KCNK15: variants seen among roughly 807,000 people sequenced by gnomAD.
KCNK15 encodes potassium channel subfamily K member 15.
KCNK15 carries 9 observed loss-of-function variants against 8.5 expected under a neutral mutation model. That is an observed-to-expected ratio of 1.06 (90% CI 0.64 to 1.85). The LOEUF (loss-of-function observed/expected upper bound fraction) is 1.85, where lower values mean the gene tolerates loss of function less well. Ranked by LOEUF, KCNK15 falls within the 40% of genes most tolerant of loss-of-function variation. The probability of loss-of-function intolerance (pLI) is 0.00; values close to 1 mark genes in which losing one functional copy is unlikely to be tolerated. For missense variants in KCNK15, 467 were observed against 476.8 expected, an observed-to-expected ratio of 0.98 and a Z score of 0.19; for synonymous variants, 224 against 232.7, an observed-to-expected ratio of 0.96 and a Z score of 0.34.
At position 44,750,312 on chromosome 20, in the gene KCNK15, C is replaced by A; in HGVS notation, c.467C>A (p.Thr156Lys). The A allele has an allele frequency of 6.2e-7, 1 of 1,608,502 alleles. No individual in the cohort carries two copies. The highest frequency in any genetic ancestry group is 8.5e-7 in the Non-Finnish European group (1 of 1,178,186). The change falls in exon 2 of 2, where the codon ACG becomes AAG. Residue 156 changes from threonine to lysine, a missense_variant. Around this residue, in one of 2 missense-constraint regions of KCNK15, gnomAD observed 455 missense variants for 441.2 expected, o/e 1.03. Coordinates refer to ENST00000372861, the MANE Select transcript of KCNK15 (RefSeq NM_022358.4). ...CLGLRWTCVSTENLVVAGLLA... is the reference protein window; with the variant it reads ...CLGLRWTCVSKENLVVAGLLA... ...GGCCTGCGGTGGACGTGCGTGTCCACGGAGAACCTGGTGGTGGCCGGGCTG... is the reference window on the plus strand; with the variant it reads ...GGCCTGCGGTGGACGTGCGTGTCCAAGGAGAACCTGGTGGTGGCCGGGCTG...
Position 44,750,313 on chromosome 20 carries a change from G to A in KCNK15, c.468G>A (p.Thr156=), listed in dbSNP as rs1379059322. The change falls in exon 2 of 2, where the codon ACG becomes ACA. Residue 156 remains threonine (T), a synonymous_variant. Transcript: ENST00000372861. ...GCCTGCGGTGGACGTGCGTGTCCAC[G>A]GAGAACCTGGTGGTGGCCGGGCTGC... ...CLGLRWTCVS[T]ENLVVAGLLA... is the part of the protein sequence containing the mutation. The A allele has an allele frequency of 1.2e-6, 2 of 1,608,514 alleles. No individual in the cohort carries two copies. The highest frequency in any genetic ancestry group is 2.2e-5 in the East Asian group (1 of 44,646).
At chr20:44,746,478 G>T (rs1451035347) in intron 1 of KCNK15, among the ~76,000 whole-genome samples, 2 of 152,106 alleles carry the variant, frequency 1.3e-5, no homozygotes, top group South Asian at 2.1e-4. Flanking sequence ...CGTCCAAGGG[G>T]CTTGGAGATA....
chr20:44,746,117 T>A lies in KCNK15; in HGVS notation c.207T>A (p.Ala69=), dbSNP rs780528194. Residue 69 remains alanine (A), a synonymous_variant, in exon 1 of 2, where the codon GCT becomes GCA. Coordinates refer to ENST00000372861, the MANE Select transcript of KCNK15 (RefSeq NM_022358.4). The stretch of plus-strand genomic sequence containing the variant: ...AGCTGGAGCGCCTGGCGCTCCAGGC[T>A]GAGCCCCACCGCGCCGGCCGCCAGT... ...YRELERLALQ[A]EPHRAGRQWK... 29 of 1,462,670 alleles carry A rather than the reference T, an allele frequency of 2.0e-5. No individual in the cohort carries two copies. The highest frequency in any genetic ancestry group is 2.4e-5 in the Non-Finnish European group (27 of 1,102,502). 90.6% of individuals were successfully genotyped at this position (1,462,670 alleles called of 1,614,324 possible).
chr20:44,750,520 C>T lies in KCNK15; in HGVS notation c.675C>T (p.Phe225=). The T allele has an allele frequency of 2.5e-6, 4 of 1,613,776 alleles. No individual in the cohort carries two copies. Among genetic ancestry groups the T allele is most frequent in the Non-Finnish European group, 3.4e-6 (4 of 1,179,860 alleles). The part of the protein sequence containing the change: ...QRKLPYVAFS[F]LYILLGLTVI... ...AGCTCCCCTACGTGGCCTTCAGCTT[C>T]CTCTACATCCTCCTGGGGCTCACGG... Residue 225 remains phenylalanine, a synonymous_variant, in exon 2 of 2, where the codon TTC becomes TTT. Transcript: ENST00000372861.
At chr20:44,746,733 G>T (rs2066009523) in intron 1 of KCNK15, 1 of 152,592 alleles carries the variant, frequency 6.6e-6, no homozygotes, top group East Asian at 1.9e-4. Context: ...ACAAAGAAAA[G>T]ATCATTTTTT....
At position 44,749,344 on chromosome 20, in the gene KCNK15, T is replaced by C. The variant is rs1337186040; in HGVS notation, c.284-785T>C. On this transcript the variant is annotated intron_variant, in intron 1 of 1. Coordinates refer to ENST00000372861, the MANE Select transcript of KCNK15 (RefSeq NM_022358.4). ...TGGCGCGGTGTTCCAGGACTCAAGA[T>C]TGCCCAGTCGTGTTTAGATTCCCTA... 2.0e-5 allele frequency among the ~76,000 whole-genome samples: 3 copies of C among 152,212 alleles called. No homozygotes were observed. The East Asian group carries it at 5.8e-4, about 29-fold the overall frequency.
Position 44,750,484 on chromosome 20 carries a change from G to A in KCNK15, c.639G>A (p.Ala213=). ...GDFVALQSGE[A]LQRKLPYVAF... The stretch of plus-strand genomic sequence containing the variant: ...TCGTGGCACTGCAGAGCGGCGAGGC[G>A]CTGCAGAGGAAGCTCCCCTACGTGG... Residue 213 remains alanine, a synonymous_variant, in exon 2 of 2, where the codon GCG becomes GCA. Transcript: ENST00000372861. 3.1e-6 allele frequency: 5 copies of A among 1,613,946 alleles called. No individual in the cohort carries two copies. Among genetic ancestry groups the A allele is most frequent in the Non-Finnish European group, 4.2e-6 (5 of 1,179,886 alleles).
rs1024795967 is a variant in KCNK15 at position 44,752,014 on chromosome 20, C to T, written c.*1176C>T. On this transcript the variant is annotated 3_prime_UTR_variant, in exon 2 of 2. Transcript: ENST00000372861. ...GACCCAGGCTCCTGCCTTCCCACCA[C>T]CCGTCCAGGAAGCAGTCATAAAGTG... 1.3e-5 allele frequency: 2 copies of T among 152,302 alleles called. No individual in the cohort carries two copies. The highest frequency in any genetic ancestry group is 2.1e-4 in the South Asian group (1 of 4,832). 9.4% of individuals were successfully genotyped at this position (152,302 alleles called of 1,614,324 possible).
rs759479105 is a variant in KCNK15 at position 44,746,084 on chromosome 20, C to G, written c.174C>G (p.Asp58Glu). ...GGAAGTTCGGCTTCTCGGCCGAGGA[C>G]TACCGCGAGCTGGAGCGCCTGGCGC... ...LRRKFGFSAE[D>E]YRELERLALQ... Residue 58 changes from aspartate (D) to glutamate (E), a missense_variant, in exon 1 of 2, where the codon GAC (aspartate) becomes GAG (glutamate). Asp to Glu is a conservative substitution (Grantham distance 45). This residue lies in a region of KCNK15 where 455 missense variants were observed against 441.2 expected (regional missense o/e 1.03). Transcript: ENST00000372861. 5 of 1,542,046 alleles carry G rather than the reference C, an allele frequency of 3.2e-6. No individual in the cohort carries two copies. Among genetic ancestry groups the G allele is most frequent in the Non-Finnish European group, 4.4e-6 (5 of 1,141,986 alleles).
In KCNK15 at chr20:44,750,588, T is replaced by C. The variant is rs544753921; in HGVS notation, c.743T>C (p.Val248Ala). The change falls in exon 2 of 2, where the codon GTT becomes GCT. Residue 248 changes from valine (V) to alanine (A), a missense_variant. By Grantham distance (64) the Val-to-Ala change is moderately conservative. Transcript: ENST00000372861. ...FLNLVVLRFLVASADWPERAA... is the reference protein window; with the variant it reads ...FLNLVVLRFLAASADWPERAA... ...AACCTGGTGGTCCTGCGCTTCCTCG[T>C]TGCCAGCGCCGACTGGCCCGAGCGC... The C allele has an allele frequency of 2.5e-6, 4 of 1,585,180 alleles. No homozygotes were observed. In the African/African-American group the frequency reaches 5.4e-5, roughly 21 times the overall value.
At chr20:44,750,043 A>G in intron 1 of KCNK15, 86 bp from the exon 2 acceptor site, 1 of 1,266,466 alleles carries the variant, frequency 7.9e-7, no homozygotes, top group South Asian at 1.5e-5. Context: ...ACGGGGAGGG[A>G]CACGCCGGGC....
chr20:44,748,140 C>A (rs1362792292), intron 1 of KCNK15, among the ~76,000 whole-genome samples: 4 of 152,206 alleles, frequency 2.6e-5, no homozygotes, highest in Non-Finnish European at 4.4e-5. Flanking sequence ...AAACCTGGCA[C>A]AGTCCCAAAC....
rs1026168978 is a variant in KCNK15 at position 44,750,051 on chromosome 20, G to A, written c.284-78G>A. 3.7e-6 allele frequency: 5 copies of A among 1,359,124 alleles called. No homozygotes were observed. In the African/African-American group the frequency reaches 7.2e-5, roughly 20 times the overall value. 84.2% of individuals were successfully genotyped at this position (1,359,124 alleles called of 1,614,324 possible). On this transcript the variant is annotated intron_variant, in intron 1 of 1. Coordinates refer to ENST00000372861, the MANE Select transcript of KCNK15 (RefSeq NM_022358.4). ...CCCGGGGACGGGGAGGGACACGCCG[G>A]GCAGGCAGGCTGCGGGCGGGACTGT...
rs752249322 is a variant in KCNK15, at chr20:44,750,416, T to C, written c.571T>C (p.Tyr191His). The change falls in exon 2 of 2, where the codon TAC (tyrosine) becomes CAC (histidine). Residue 191 changes from tyrosine (Y) to histidine (H), a missense_variant. Coordinates refer to ENST00000372861, the MANE Select transcript of KCNK15 (RefSeq NM_022358.4). Reference protein sequence around the residue: ...FEGWTFFHAYYYCFITLTTIG... With the variant: ...FEGWTFFHAYHYCFITLTTIG... ...GGGCTGGACCTTCTTCCACGCCTAC[T>C]ACTACTGCTTCATCACCCTCACCAC... 3 of 1,613,896 alleles carry C rather than the reference T, an allele frequency of 1.9e-6. No homozygotes were observed. Among genetic ancestry groups the C allele is most frequent in the Admixed American group, 3.3e-5 (2 of 60,006 alleles).
chr20:44,747,642 G>A (rs1304830416), intron 1 of KCNK15, among the ~76,000 whole-genome samples: 2 of 152,248 alleles, frequency 1.3e-5, no homozygotes, highest in African/African-American at 4.8e-5. Context: ...GGAGGCTGAT[G>A]TAAGAGACTC....
In KCNK15 at chr20:44,751,733, C is replaced by T. The variant is rs760388008; in HGVS notation, c.*895C>T. 6.6e-6 allele frequency: 1 copy of T among 152,240 alleles called. No individual in the cohort carries two copies. Among genetic ancestry groups the T allele is most frequent in the Non-Finnish European group, 1.5e-5 (1 of 68,052 alleles). 9.4% of individuals were successfully genotyped at this position (152,240 alleles called of 1,614,324 possible). On this transcript the variant is annotated 3_prime_UTR_variant, in exon 2 of 2. Transcript: ENST00000372861. ...CAAAGCCCGAGGTGTGGCATCCTGGCACCCCGTGGCACTCAGCCACTTCCC... is the reference window on the plus strand; with the variant it reads ...CAAAGCCCGAGGTGTGGCATCCTGGTACCCCGTGGCACTCAGCCACTTCCC...
In KCNK15 at chr20:44,746,038, A is replaced by C; in HGVS notation, c.128A>C (p.Gln43Pro). The C allele has an allele frequency of 6.5e-7, 1 of 1,546,314 alleles. No homozygotes were observed. Among genetic ancestry groups the C allele is most frequent in the Non-Finnish European group, 8.7e-7 (1 of 1,146,144 alleles). The stretch of plus-strand genomic sequence containing the variant: ...AGCGGCCGCCAGCGACTGCTGGTCC[A>C]GAAGCGGGGCGCTCTCCGGAGGAAG... Reference protein sequence around the residue: ...AESGRQRLLVQKRGALRRKFG... With the variant: ...AESGRQRLLVPKRGALRRKFG... Residue 43 changes from glutamine (Q) to proline (P), a missense_variant, in exon 1 of 2, where the codon CAG becomes CCG. Transcript: ENST00000372861.
At chr20:44,746,879 T>C (rs2066010065) in intron 1 of KCNK15, 1 of 152,252 alleles carries the variant, frequency 6.6e-6, no homozygotes, top group African/African-American at 2.4e-5. Context: ...AACCACAGGC[T>C]CTGGACTCTG....
Position 44,750,953 on chromosome 20 carries a change from C to G in KCNK15, c.*115C>G, listed in dbSNP as rs753343158. ...CGGGCCTCTAGGCGGTCTTCTGCCA[C>G]GAGCAGTTTCTCATTACTGTCTGTG... On this transcript the variant is annotated 3_prime_UTR_variant, in exon 2 of 2. Transcript: ENST00000372861. 8.5e-5 allele frequency: 57 copies of G among 672,802 alleles called. No homozygotes were observed. Among genetic ancestry groups the G allele is most frequent in the Non-Finnish European group, 1.2e-4 (53 of 452,580 alleles). The allele number at this position is 672,802 out of a possible 1,614,324, so 41.7% of individuals were successfully genotyped here.
Sources: gnomAD v4.1 joint callset for allele counts (sites outside exome capture counted in the v4.1 genomes callset) on GRCh38, gnomAD v4.1.1 for gene constraint, gnomAD v4.1.1 regional missense constraint, MANE v1.5 for transcripts, NCBI Gene and HGNC (gene_info 2026-07-23, HGNC 2026-07-21) for gene names.